The following CAMK2A variants were observed in gnomAD, a reference collection of about 807,000 sequenced individuals.
CAMK2A encodes calcium/calmodulin dependent protein kinase II alpha.
CAMK2A carries 7 observed loss-of-function variants against 79.2 expected under a neutral mutation model. That is an observed-to-expected ratio of 0.09 (90% CI 0.05 to 0.17). CAMK2A has a LOEUF of 0.17. CAMK2A is among the 10% of genes least tolerant of loss of function. The pLI, the probability that CAMK2A is intolerant of heterozygous loss-of-function variation, is 1.00. For synonymous variants in CAMK2A, 242 were observed against 251.7 expected, an observed-to-expected ratio of 0.96 and a Z score of 0.36; for missense variants, 214 against 646.4, an observed-to-expected ratio of 0.33 and a Z score of 7.25.
chr5:150,222,592 G>T lies in CAMK2A; in HGVS notation c.*118C>A. Reference sequence around the variant, plus strand: ...TTGATGCAGGTACAGAAGTGACGGTGGTGGGGTGATGACATGGGAGAATTC... The same window carrying T: ...TTGATGCAGGTACAGAAGTGACGGTTGTGGGGTGATGACATGGGAGAATTC... On this transcript the variant is annotated 3_prime_UTR_variant, in exon 19 of 19. Coordinates refer to ENST00000671881, the MANE Select transcript of CAMK2A (RefSeq NM_015981.4). The T allele has an allele frequency of 9.1e-7, 1 of 1,097,292 alleles. No individual in the cohort carries two copies. Among genetic ancestry groups the T allele is most frequent in the Non-Finnish European group, 1.4e-6 (1 of 718,092 alleles). 68.0% of individuals were successfully genotyped at this position (1,097,292 alleles called of 1,614,324 possible). A position where few individuals can be genotyped will look rare whatever the true frequency, so the allele number is the denominator to read the frequency against.
intron 2 of CAMK2A, among the ~76,000 whole-genome samples, chr5:150,268,655 G>A (rs374358342): frequency 1.1e-3 from 174 of 152,356 alleles, no homozygotes; most frequent in African/African-American, 3.9e-3. Flanking sequence ...TTCCCAGGGC[G>A]TGGCATAGAG....
intron 13 of CAMK2A, among the ~76,000 whole-genome samples, chr5:150,241,690 A>C (rs1317881968): frequency 0.026 from 1,248 of 47,204 alleles, no homozygotes; most frequent in Middle Eastern, 0.067. Flanking sequence ...CCTCTCCTCA[A>C]CTCCTCCTCC....
chr5:150,239,356 C>T (rs192392132), intron 14 of CAMK2A, among the ~76,000 whole-genome samples: 5 of 152,238 alleles, frequency 3.3e-5, no homozygotes, highest in African/African-American at 9.6e-5. Context: ...ACCCTCGCCG[C>T]GATTGGCACA....
rs918292907 is a variant in CAMK2A at position 150,221,149 on chromosome 5, A to G, written c.*1561T>C. ...TTTTTTTTTAGTCCAAAACATGTAG[A>G]TTGGTTTTGTTGAGTGTTTTCTTCT... On this transcript the variant is annotated 3_prime_UTR_variant, in exon 19 of 19. Coordinates refer to ENST00000671881, the MANE Select transcript of CAMK2A (RefSeq NM_015981.4). 2.0e-5 allele frequency: 6 copies of G among 295,588 alleles called. No homozygotes were observed. The highest frequency in any genetic ancestry group is 6.2e-6 in the Non-Finnish European group (1 of 161,876). The allele number at this position is 295,588 out of a possible 1,614,324, so 18.3% of individuals were successfully genotyped here.
In CAMK2A at chr5:150,222,236, T is replaced by G; in HGVS notation, c.*474A>C. The G allele has an allele frequency of 6.1e-6, 3 of 495,786 alleles. No homozygotes were observed. The highest frequency in any genetic ancestry group is 1.1e-5 in the Non-Finnish European group (3 of 271,576). The allele number at this position is 495,786 out of a possible 1,614,324, so 30.7% of individuals were successfully genotyped here. A position where few individuals can be genotyped will look rare whatever the true frequency, so the allele number is the denominator to read the frequency against. ...TCTTCTCCCCACTCCTTCAGTGCGG[T>G]TGGCTTAGGGGGAAGGGAGTGTCAT... On this transcript the variant is annotated 3_prime_UTR_variant, in exon 19 of 19. Coordinates refer to ENST00000671881, the MANE Select transcript of CAMK2A (RefSeq NM_015981.4).
At chr5:150,240,518 G>A (rs1755290283) in intron 13 of CAMK2A, among the ~76,000 whole-genome samples, 1 of 152,170 alleles carries the variant, frequency 6.6e-6, no homozygotes, top group African/African-American at 2.4e-5. Context: ...CTAGCATTTT[G>A]GGGATTTGTA....
intron 1 of CAMK2A, among the ~76,000 whole-genome samples, chr5:150,287,937 CTG>C (rs57886187): frequency 0.036 from 5,015 of 140,774 alleles, 158 homozygotes; most frequent in African/African-American, 0.073. Context: ...AGGATAGCCT[CTG>C]TGTGTGTGTG....
chr5:150,270,558 A>C (rs537966788), intron 2 of CAMK2A, among the ~76,000 whole-genome samples: 4 of 152,290 alleles, frequency 2.6e-5, no homozygotes, highest in African/African-American at 4.8e-5. Flanking sequence ...GGAGATGCTT[A>C]GAGTGTGTTG....
chr5:150,285,880 T>A (rs1415919122), intron 1 of CAMK2A, among the ~76,000 whole-genome samples: 1 of 151,970 alleles, frequency 6.6e-6, no homozygotes, highest in East Asian at 1.9e-4. Context: ...CTCCTGGGGG[T>A]AGGATCAGAA....
At chr5:150,253,645 G>C (rs1755930079) in intron 6 of CAMK2A, 99 bp from the exon 7 acceptor site, 1 of 1,040,222 alleles carries the variant, frequency 9.6e-7, no homozygotes. Flanking sequence ...CTCACAGGAA[G>C]AACAGCCCGG....
chr5:150,239,161 A>C (rs1199097298), intron 14 of CAMK2A, among the ~76,000 whole-genome samples: 3 of 152,006 alleles, frequency 2.0e-5, no homozygotes, highest in Non-Finnish European at 4.4e-5. Context: ...TTCAGAGGGG[A>C]GAAAAACCAC....
chr5:150,276,932 TA>T (rs112590967), intron 1 of CAMK2A, among the ~76,000 whole-genome samples: 5,802 of 151,342 alleles, frequency 0.038, 371 homozygotes, highest in African/African-American at 0.13. Context: ...GGAGGATCTT[TA>T]AAAAAAAAGA....
chr5:150,266,948 A>G (rs1379526567), intron 2 of CAMK2A, among the ~76,000 whole-genome samples: 1 of 152,106 alleles, frequency 6.6e-6, no homozygotes, highest in Admixed American at 6.6e-5. Flanking sequence ...CCTTCACTAG[A>G]GCAATCACTG....
intron 14 of CAMK2A, 81 bp from the exon 15 acceptor site, chr5:150,238,829 G>T (rs17111082): frequency 3.2e-6 from 4 of 1,256,272 alleles, no homozygotes; most frequent in East Asian, 5.1e-5. Context: ...GCCTGGTGAC[G>T]CGGCTGGTTT....
intron 16 of CAMK2A, among the ~76,000 whole-genome samples, chr5:150,229,695 C>T (rs1754759046): frequency 6.6e-6 from 1 of 152,216 alleles, no homozygotes; most frequent in Admixed American, 6.5e-5. Flanking sequence ...CTCTTTCCTT[C>T]ACTCCCTGGC....
chr5:150,251,291 G>A (rs1755822246), intron 9 of CAMK2A, among the ~76,000 whole-genome samples: 1 of 152,216 alleles, frequency 6.6e-6, no homozygotes, highest in African/African-American at 2.4e-5. Flanking sequence ...CAGACTGCCT[G>A]GTTCAAATCC....
At chr5:150,225,734 A>G (rs918728426) in intron 17 of CAMK2A, among the ~76,000 whole-genome samples, 3 of 46,068 alleles carry the variant, frequency 6.5e-5, no homozygotes, top group African/African-American at 1.7e-4. Context: ...TGAGAATTCA[A>G]TTGTTATTAT....
At position 150,256,590 on chromosome 5, in the gene CAMK2A, C is replaced by T; in HGVS notation, c.394G>A (p.Val132Met). The T allele has an allele frequency of 6.2e-7, 1 of 1,613,588 alleles. No homozygotes were observed. The highest frequency in any genetic ancestry group is 8.5e-7 in the Non-Finnish European group (1 of 1,179,950). The stretch of plus-strand genomic sequence containing the variant: ...TTGCTCACCTTCAGGTCCCGGTGCA[C>T]CACCCCCATCTGGTGGCAGTGCAGC... ...AVLHCHQMGV[V>M]HRDLKPENLL... Residue 132 changes from valine (V) to methionine (M), a missense_variant, in exon 6 of 19, where the codon GTG (valine) becomes ATG (methionine). By Grantham distance (21) the Val-to-Met change is conservative (BLOSUM62 1). Coordinates refer to ENST00000671881, the MANE Select transcript of CAMK2A (RefSeq NM_015981.4). This position sits in a 1 kb window ranked among gnomAD's most constrained non-coding sequence, Gnocchi z 4.6.
chr5:150,269,963 G>A (rs745954842), intron 2 of CAMK2A, among the ~76,000 whole-genome samples: 1 of 152,142 alleles, frequency 6.6e-6, no homozygotes, highest in Non-Finnish European at 1.5e-5. Context: ...CTGGGGAGCC[G>A]AGGAAGTGAC....
Sources: allele counts gnomAD v4.1 joint callset (sites outside exome capture counted in the v4.1 genomes callset), GRCh38; gene constraint gnomAD v4.1.1; non-coding constraint Gnocchi (gnomAD v3.1); transcripts MANE v1.5; gene names NCBI Gene and HGNC (gene_info 2026-07-23, HGNC 2026-07-21).